The following ARID4A variants were observed in gnomAD, a reference collection of about 807,000 sequenced individuals.
ARID4A encodes AT-rich interactive domain-containing protein 4A.
Under a neutral mutation model 148.6 loss-of-function variants are expected in ARID4A, and 39 were observed. The observed-to-expected ratio is 0.26, with a 90% confidence interval of 0.20 to 0.34. The LOEUF is 0.34. Among genes scored for constraint, ARID4A ranks in the 10% least tolerant of loss-of-function variants. The pLI, the probability that ARID4A is intolerant of heterozygous loss-of-function variation, is 1.00. For missense variants in ARID4A, 1,265 were observed against 1,449.1 expected, an observed-to-expected ratio of 0.87 and a Z score of 2.06; for synonymous variants, 475 against 481.2, an observed-to-expected ratio of 0.99 and a Z score of 0.17.
At position 58,363,032 on chromosome 14, in the gene ARID4A, A is replaced by G. The variant is rs575669399; in HGVS notation, c.2081-1138A>G. ...CTGACAAATGTTTAAGATGTCCACA[A>G]AGTGAAAGGTACCCTCTTAGAAGGC... On this transcript the variant is annotated intron_variant, in intron 19 of 23. Transcript: ENST00000355431. Among the ~76,000 whole-genome samples, 3 of 152,336 alleles carry G rather than the reference A, an allele frequency of 2.0e-5. No individual in the cohort carries two copies. The East Asian group carries it at 5.8e-4, about 29-fold the overall frequency.
chr14:58,362,823 G>A (rs2035192790), intron 19 of ARID4A, among the ~76,000 whole-genome samples: 1 of 152,148 alleles, frequency 6.6e-6, no homozygotes, highest in South Asian at 2.1e-4. Context: ...GTCCTGAAGT[G>A]CTGGAATTAC....
At position 58,364,533 on chromosome 14, in the gene ARID4A, A is replaced by T. The variant is rs773213570; in HGVS notation, c.2444A>T (p.Asn815Ile). 75 of 1,611,656 alleles carry T rather than the reference A, an allele frequency of 4.7e-5. No individual in the cohort carries two copies. The highest frequency in any genetic ancestry group is 5.9e-5 in the Non-Finnish European group (70 of 1,179,572). ...ATAAAGATTTCATCATTTGGCCAGA[A>T]TGAAGCAGGAAGTGAACCTCATATA... ...EIIKISSFGQ[N>I]EAGSEPHIEA... is the part of the protein sequence containing the mutation. Residue 815 changes from asparagine (N) to isoleucine (I), a missense_variant, in exon 20 of 24, where the codon AAT becomes ATT. This residue lies in a region of ARID4A where 666 missense variants were observed against 730.9 expected (regional missense o/e 0.91). Coordinates refer to ENST00000355431, the MANE Select transcript of ARID4A (RefSeq NM_002892.4).
intron 18 of ARID4A, among the ~76,000 whole-genome samples, chr14:58,359,713 G>A (rs1373937389): frequency 1.3e-5 from 2 of 151,958 alleles, no homozygotes; most frequent in African/African-American, 2.4e-5. Context: ...TTTTAGATTG[G>A]CTTCTTTTGC....
At chr14:58,355,417 A>G (rs2034827211) in intron 17 of ARID4A, among the ~76,000 whole-genome samples, 1 of 152,248 alleles carries the variant, frequency 6.6e-6, no homozygotes, top group Non-Finnish European at 1.5e-5. Context: ...CATACCTACA[A>G]TAAAGTTTAA....
chr14:58,351,850 GA>G (rs763650996), intron 16 of ARID4A, among the ~76,000 whole-genome samples: 15 of 152,106 alleles, frequency 9.9e-5, no homozygotes, highest in Non-Finnish European at 2.1e-4. Flanking sequence ...ATAAATTTCA[GA>G]TTTTTTAATG....
intron 16 of ARID4A, 65 bp from the exon 17 acceptor site, chr14:58,353,593 C>A: frequency 7.1e-7 from 1 of 1,417,176 alleles, no homozygotes; most frequent in Non-Finnish European, 9.9e-7. Flanking sequence ...CTGTTGGATT[C>A]TTTTAGCATA....
intron 5 of ARID4A, among the ~76,000 whole-genome samples, chr14:58,310,448 T>A (rs760314671): frequency 6.6e-6 from 1 of 152,114 alleles, no homozygotes; most frequent in Non-Finnish European, 1.5e-5. Flanking sequence ...ACAGAATAGA[T>A]ACCCCAGAAA....
chr14:58,357,719 C>T (rs924065377), intron 17 of ARID4A, among the ~76,000 whole-genome samples: 10 of 150,810 alleles, frequency 6.6e-5, no homozygotes, highest in African/African-American at 2.2e-4. Context: ...AAAGATTGGA[C>T]ATTCCTGGTC....
chr14:58,348,073 C>T (rs571549820), intron 15 of ARID4A, among the ~76,000 whole-genome samples, 195 bp downstream of exon 15: 1 of 152,112 alleles, frequency 6.6e-6, no homozygotes, highest in South Asian at 2.1e-4. Context: ...CTTCTGTTTT[C>T]TGTTTATATT....
chr14:58,299,597 C>A, intron 1 of ARID4A: 1 of 568,528 alleles, frequency 1.8e-6, no homozygotes, highest in Non-Finnish European at 3.2e-6. Context: ...AGCTCCGGGG[C>A]GGAACGGGCT....
At chr14:58,335,375 G>T (rs891560352) in intron 11 of ARID4A, among the ~76,000 whole-genome samples, 6 of 149,674 alleles carry the variant, frequency 4.0e-5, no homozygotes, top group African/African-American at 1.5e-4. Flanking sequence ...GTGCAATGGC[G>T]TGATCTCGGC....
chr14:58,335,407 G>C (rs1267126016), intron 11 of ARID4A, among the ~76,000 whole-genome samples: 3 of 151,084 alleles, frequency 2.0e-5, no homozygotes, highest in Non-Finnish European at 4.4e-5. Context: ...TCCGCCTCCT[G>C]GGTTCAAGCA....
chr14:58,316,191 T>C (rs916966221), intron 5 of ARID4A, among the ~76,000 whole-genome samples: 7 of 152,216 alleles, frequency 4.6e-5, no homozygotes, highest in African/African-American at 1.4e-4. Context: ...ATGAATGTAA[T>C]GTAGAATTTC....
chr14:58,338,823 G>A (rs1414989481), intron 11 of ARID4A, among the ~76,000 whole-genome samples: 2 of 151,720 alleles, frequency 1.3e-5, no homozygotes, highest in African/African-American at 4.8e-5. Flanking sequence ...GGGAAACAAA[G>A]TTGCTTGTGT....
Position 58,316,641 on chromosome 14 carries a change from C to T in ARID4A, c.275-1901C>T, listed in dbSNP as rs143433023. Among the ~76,000 whole-genome samples the T allele has an allele frequency of 2.0e-3, 303 of 152,138 alleles. 6 individuals are homozygous for T. In the East Asian group the frequency reaches 0.054, roughly 27 times the overall value. On this transcript the variant is annotated intron_variant, in intron 5 of 23. Transcript: ENST00000355431. Reference sequence around the variant, plus strand: ...TGTTGTCCAGGCTGGAGTGCAATGGCGCAATCTCTGCTCACTGCAACCTCT... The same window carrying T: ...TGTTGTCCAGGCTGGAGTGCAATGGTGCAATCTCTGCTCACTGCAACCTCT...
In ARID4A at chr14:58,366,244, A is replaced by G. The variant is rs1359433688; in HGVS notation, c.3523+14A>G. 1.9e-6 allele frequency: 3 copies of G among 1,585,122 alleles called. No individual in the cohort carries two copies. Among genetic ancestry groups the G allele is most frequent in the East Asian group, 4.5e-5 (2 of 44,698 alleles). ...GCTTTCAGCTCAGTAAGAAGCTTAT[A>G]GAAAACTTGATAGATGAATACTGTA... On this transcript the variant is annotated intron_variant, in intron 22 of 23. Transcript: ENST00000355431.
chr14:58,363,337 T>C (rs1220799103), intron 19 of ARID4A, among the ~76,000 whole-genome samples: 1 of 152,224 alleles, frequency 6.6e-6, no homozygotes, highest in Non-Finnish European at 1.5e-5. Context: ...CAGGGAACAA[T>C]TTTTGTTTCC....
rs1273319991 is a variant in ARID4A at position 58,314,035 on chromosome 14, A to C, written c.275-4507A>C. ...TTAATTCAGTCAAGTTCACATCTAA[A>C]ATTAACTGTCAAAATACCTAACATA... On this transcript the variant is annotated intron_variant, in intron 5 of 23. Transcript: ENST00000355431. 2.0e-5 allele frequency among the ~76,000 whole-genome samples: 3 copies of C among 152,212 alleles called. No individual in the cohort carries two copies. In the East Asian group the frequency reaches 5.8e-4, roughly 29 times the overall value.
chr14:58,332,007 C>T (rs867404234), intron 11 of ARID4A, among the ~76,000 whole-genome samples: 1 of 144,884 alleles, frequency 6.9e-6, no homozygotes, highest in African/African-American at 2.6e-5. Flanking sequence ...CCCCCCCCCC[C>T]CAAAAAACCC....
Sources: gnomAD v4.1 joint callset for allele counts (sites outside exome capture counted in the v4.1 genomes callset) on GRCh38, gnomAD v4.1.1 for gene constraint, gnomAD v4.1.1 regional missense constraint, MANE v1.5 for transcripts, NCBI Gene and HGNC (gene_info 2026-07-23, HGNC 2026-07-21) for gene names.